Variants in LINGO2 observed in about 807,000 individuals in gnomAD.
The protein encoded by LINGO2 is leucine rich repeat and Ig domain containing 2, also known as leucine-rich repeat and immunoglobulin-like domain-containing nogo receptor-interacting protein 2.
Under a neutral mutation model 30.6 loss-of-function variants are expected in LINGO2, and 14 were observed. That is an observed-to-expected ratio of 0.46 (90% CI 0.30 to 0.72). LINGO2 has a LOEUF of 0.72. Ranked by LOEUF, LINGO2 falls within the 30% of genes least tolerant of loss-of-function variation. The pLI is 0.07. For missense variants in LINGO2, 729 were observed against 751.7 expected (o/e 0.97, Z 0.35); for synonymous variants, 317 against 288.5 (o/e 1.10, Z -1.00).
the LINGO2 span, among the ~76,000 whole-genome samples, chr9:28,885,326 G>A: frequency 4.2e-5 from 6 of 143,298 alleles, no homozygotes; most frequent in Non-Finnish European, 7.6e-5. Context: ...GACTAGGCTG[G>A]ACTCCCTGGA....
the LINGO2 span, among the ~76,000 whole-genome samples, chr9:28,764,126 T>A: frequency 2.3e-4 from 34 of 146,620 alleles, no homozygotes; most frequent in Non-Finnish European, 4.3e-4. Flanking sequence ...ATTCTTGAAC[T>A]CTTTTTAAAA....
intron 1 of LINGO2, among the ~76,000 whole-genome samples, chr9:28,565,437 A>G (rs1319482921): frequency 2.6e-5 from 4 of 151,554 alleles, no homozygotes; most frequent in Non-Finnish European, 4.4e-5. Context: ...CCCCTGCCTC[A>G]GCCTCCCAAA....
At chr9:28,432,815 T>G (rs10968594) in intron 2 of LINGO2, among the ~76,000 whole-genome samples, 45,698 of 151,992 alleles carry the variant, frequency 0.3, 7,839 homozygotes, top group Non-Finnish European at 0.38. Context: ...AATAAAACAT[T>G]GCAGATAAAA....
chr9:28,382,549 T>C (rs981042516), intron 2 of LINGO2, among the ~76,000 whole-genome samples: 3 of 152,128 alleles, frequency 2.0e-5, no homozygotes, highest in Non-Finnish European at 4.4e-5. Flanking sequence ...ACATCAGCAG[T>C]ATTTAGAGCA....
At chr9:28,521,756 T>A (rs373026613) in intron 1 of LINGO2, among the ~76,000 whole-genome samples, 9 of 152,120 alleles carry the variant, frequency 5.9e-5, no homozygotes, top group East Asian at 1.9e-4. Flanking sequence ...GCAGATATAA[T>A]CAAGTTCAGA....
intron 4 of LINGO2, among the ~76,000 whole-genome samples, chr9:28,189,199 T>TA (rs1411410934): frequency 6.7e-6 from 1 of 149,744 alleles, no homozygotes; most frequent in African/African-American, 2.5e-5. Context: ...AGTGATCTTT[T>TA]TTTTCTACCA....
At chr9:28,086,897 T>G (rs1563965942) in intron 4 of LINGO2, among the ~76,000 whole-genome samples, 1 of 152,134 alleles carries the variant, frequency 6.6e-6, no homozygotes, top group African/African-American at 2.4e-5. Context: ...TCCAATTCTT[T>G]CTTTCCCTGT....
In LINGO2 at chr9:28,467,049, G is replaced by A. The variant is rs905029455; in HGVS notation, c.-279+8891C>T. Reference sequence around the variant, plus strand: ...CTCTTTTTTTTTGGGGGGGGGGGACGGAGTCTCGCTCTGTTGCCCTGGCTA... The same window carrying A: ...CTCTTTTTTTTTGGGGGGGGGGGACAGAGTCTCGCTCTGTTGCCCTGGCTA... On this transcript the variant is annotated intron_variant, in intron 2 of 5. Coordinates refer to ENST00000379992, the Ensembl canonical transcript of LINGO2. 4.7e-5 allele frequency among the ~76,000 whole-genome samples: 7 copies of A among 147,632 alleles called. No homozygotes were observed. The East Asian group carries it at 1.0e-3, about 22-fold the overall frequency.
chr9:28,163,931 C>T (rs1828357238), intron 4 of LINGO2, among the ~76,000 whole-genome samples: 2 of 152,122 alleles, frequency 1.3e-5, no homozygotes, highest in Non-Finnish European at 2.9e-5. Flanking sequence ...TATCTTTTGG[C>T]CCTGGCTTGT....
In LINGO2 at chr9:28,130,259, C is replaced by G. The variant is rs894664685; in HGVS notation, c.-86-117854G>C. On this transcript the variant is annotated intron_variant, in intron 4 of 5. Coordinates refer to ENST00000379992, the Ensembl canonical transcript of LINGO2. This position sits in a 1 kb window ranked among gnomAD's most constrained non-coding sequence, Gnocchi z 5.2. The stretch of plus-strand genomic sequence containing the variant: ...GAAACTTGCTGCTTATTTTCTGATT[C>G]AATTGTATTTGTTCTGCTATGACTG... 6.6e-6 allele frequency among the ~76,000 whole-genome samples: 1 copy of G among 152,144 alleles called. No homozygotes were observed. Among genetic ancestry groups the G allele is most frequent in the African/African-American group, 2.4e-5 (1 of 41,430 alleles).
chr9:29,006,864 C>T, the LINGO2 span, among the ~76,000 whole-genome samples: 1 of 151,988 alleles, frequency 6.6e-6, no homozygotes, highest in Non-Finnish European at 1.5e-5. Flanking sequence ...CTCCAAGGTC[C>T]TTTGATGCCT....
At chr9:28,171,419 C>A (rs1455729269) in intron 4 of LINGO2, among the ~76,000 whole-genome samples, 2 of 152,090 alleles carry the variant, frequency 1.3e-5, no homozygotes, top group Non-Finnish European at 2.9e-5. Flanking sequence ...TAGGGCTGTA[C>A]CTGAAAGGGT....
At chr9:28,520,852 A>T (rs16913288) in intron 1 of LINGO2, among the ~76,000 whole-genome samples, 16 of 152,258 alleles carry the variant, frequency 1.1e-4, no homozygotes, top group South Asian at 1.0e-3. Context: ...TCCTTTACAT[A>T]TGCCTTAGAG....
At chr9:28,728,778 T>C in the LINGO2 span, among the ~76,000 whole-genome samples, 1 of 152,126 alleles carries the variant, frequency 6.6e-6, no homozygotes, top group Non-Finnish European at 1.5e-5. Flanking sequence ...AGAAGAATTG[T>C]TGAATGGTAA....
intron 4 of LINGO2, among the ~76,000 whole-genome samples, chr9:28,069,919 G>C (rs1825423089): frequency 6.6e-6 from 1 of 152,216 alleles, no homozygotes. Flanking sequence ...AATTGCTGGT[G>C]AGTGTCGCCA....
At chr9:28,200,864 C>A (rs1312654569) in intron 4 of LINGO2, among the ~76,000 whole-genome samples, 1 of 152,016 alleles carries the variant, frequency 6.6e-6, no homozygotes, top group African/African-American at 2.4e-5. Context: ...AACAGTGGAT[C>A]CCTTTATATG....
intron 2 of LINGO2, among the ~76,000 whole-genome samples, chr9:28,412,497 T>C (rs1822808977): frequency 6.6e-6 from 1 of 152,120 alleles, no homozygotes; most frequent in Admixed American, 6.6e-5. Flanking sequence ...TGTTTGCAGA[T>C]GATAGGATCT....
At chr9:29,033,199 T>G in the LINGO2 span, among the ~76,000 whole-genome samples, 75 of 152,134 alleles carry the variant, frequency 4.9e-4, no homozygotes, top group Non-Finnish European at 7.4e-5. Context: ...TATTTTATTC[T>G]GCCATGATGC....
chr9:29,094,758 A>T, the LINGO2 span, among the ~76,000 whole-genome samples: 1 of 139,050 alleles, frequency 7.2e-6, no homozygotes, highest in Non-Finnish European at 1.6e-5. Context: ...CTAGATCAAA[A>T]ATATATTATT....
Sources: gnomAD v4.1 joint callset for allele counts (sites outside exome capture counted in the v4.1 genomes callset) on GRCh38, gnomAD v4.1.1 for gene constraint, Gnocchi (gnomAD v3.1) non-coding constraint, MANE v1.5 for transcripts, NCBI Gene and HGNC (gene_info 2026-07-23, HGNC 2026-07-21) for gene names.